CCDC7: variants seen among roughly 807,000 people sequenced by gnomAD.
CCDC7 encodes coiled-coil domain-containing protein 7.
In CCDC7, 183 loss-of-function variants were observed where a neutral mutation model predicts 196.9. The ratio of observed to expected loss-of-function variants is 0.93; its 90% confidence interval spans 0.82 to 1.05. CCDC7 has a LOEUF of 1.05. Among genes scored for constraint, CCDC7 ranks in the 50% least tolerant of loss-of-function variants. The pLI, the probability that CCDC7 is intolerant of heterozygous loss-of-function variation, is 0.00. For synonymous variants in CCDC7, 525 were observed against 484.6 expected, an observed-to-expected ratio of 1.08 and a Z score of -1.10; for missense variants, 1,540 against 1,482.2, an observed-to-expected ratio of 1.04 and a Z score of -0.64.
chr10:32,502,779 C>T, intron 9 of CCDC7, among the ~76,000 whole-genome samples: 1 of 152,194 alleles, frequency 6.6e-6, no homozygotes, highest in East Asian at 1.9e-4. Flanking sequence ...TGTTTCAACT[C>T]ATGAATATGG....
At chr10:32,502,633 C>T (rs1043595023) in intron 9 of CCDC7, among the ~76,000 whole-genome samples, 5 of 152,084 alleles carry the variant, frequency 3.3e-5, no homozygotes, top group Non-Finnish European at 5.9e-5. Flanking sequence ...ATTGCTTTGG[C>T]TACTCAGGGT....
At chr10:32,751,345 G>A (rs73243821) in intron 28 of CCDC7, among the ~76,000 whole-genome samples, 8,059 of 151,922 alleles carry the variant, frequency 0.053, 711 homozygotes, top group African/African-American at 0.18. Flanking sequence ...AGCCAGTACC[G>A]AAACTTTTTT....
intron 39 of CCDC7, among the ~76,000 whole-genome samples, chr10:32,849,535 T>TA (rs1382061243): frequency 2.6e-5 from 4 of 151,578 alleles, no homozygotes; most frequent in Admixed American, 2.0e-4. Context: ...AAACCCTGTC[T>TA]CTACTAAAAA....
intron 2 of CCDC7, 88 bp from the exon 4 acceptor site, chr10:32,456,162 AT>A: frequency 8.0e-7 from 1 of 1,257,290 alleles, no homozygotes; most frequent in African/African-American, 1.5e-5. Flanking sequence ...CAAAATTAAA[AT>A]TTTTCAAAAA....
intron 18 of CCDC7, among the ~76,000 whole-genome samples, chr10:32,623,057 T>C (rs1342739534): frequency 6.6e-6 from 1 of 152,194 alleles, no homozygotes; most frequent in Non-Finnish European, 1.5e-5. Flanking sequence ...TTTTATTTTC[T>C]CATCAAGTTT....
intron 24 of CCDC7, among the ~76,000 whole-genome samples, chr10:32,701,954 TC>T: frequency 6.6e-6 from 1 of 152,236 alleles, no homozygotes; most frequent in East Asian, 1.9e-4. Context: ...ATTTTGTTGG[TC>T]TTTTCAAAAA....
chr10:32,846,026 ATAGACC>A, intron 36 of CCDC7, 67 bp downstream of exon 37: 1 of 1,162,954 alleles, frequency 8.6e-7, no homozygotes, highest in Non-Finnish European at 1.3e-6. Context: ...AAATTGAAGT[ATAGACC>A]TTTAATGACA....
chr10:32,570,649 G>C (rs1264244704), intron 15 of CCDC7, among the ~76,000 whole-genome samples: 2 of 152,156 alleles, frequency 1.3e-5, no homozygotes, highest in Non-Finnish European at 2.9e-5. Flanking sequence ...TAGTTATCTA[G>C]CTATCAGAAA....
chr10:32,709,855 T>TA (rs1164200760), intron 24 of CCDC7, among the ~76,000 whole-genome samples: 2 of 152,044 alleles, frequency 1.3e-5, no homozygotes, highest in Non-Finnish European at 2.9e-5. Context: ...TGAGACTTGT[T>TA]AAAAATCTTA....
At chr10:32,706,573 C>A (rs1457642774) in intron 24 of CCDC7, among the ~76,000 whole-genome samples, 1 of 151,614 alleles carries the variant, frequency 6.6e-6, no homozygotes, top group Non-Finnish European at 1.5e-5. Flanking sequence ...AGATGGCTAG[C>A]AAGACTAATA....
chr10:32,669,973 G>A (rs1422347408), intron 21 of CCDC7, among the ~76,000 whole-genome samples: 2 of 152,112 alleles, frequency 1.3e-5, no homozygotes, highest in African/African-American at 2.4e-5. Flanking sequence ...TGAGCATGGA[G>A]TCAATCCAGG....
At chr10:32,449,343 C>G (rs185005447), upstream of CCDC7, among the ~76,000 whole-genome samples, 4 of 152,024 alleles carry the variant, frequency 2.6e-5, no homozygotes, top group Admixed American at 2.6e-4. Flanking sequence ...CCCACCACCA[C>G]GCCTGGATAA....
chr10:32,667,032 C>T (rs548595233), intron 21 of CCDC7, among the ~76,000 whole-genome samples: 2 of 152,298 alleles, frequency 1.3e-5, no homozygotes, highest in Admixed American at 6.5e-5. Flanking sequence ...TCCTCTCCAG[C>T]ACCTGTTGTT....
intron 20 of CCDC7, among the ~76,000 whole-genome samples, chr10:32,653,207 A>G (rs2069103003): frequency 6.6e-6 from 1 of 152,124 alleles, no homozygotes; most frequent in Non-Finnish European, 1.5e-5. Flanking sequence ...TTTAAGGGGT[A>G]TAGGACTCAG....
At chr10:32,828,616 C>T (rs1258736305) in intron 32 of CCDC7, among the ~76,000 whole-genome samples, 1 of 152,040 alleles carries the variant, frequency 6.6e-6, no homozygotes, top group Admixed American at 6.6e-5. Flanking sequence ...CTGGTCTTAC[C>T]ATGTTCCCCA....
chr10:32,860,237 TG>T (rs1362361759), intron 41 of CCDC7, among the ~76,000 whole-genome samples: 1 of 152,192 alleles, frequency 6.6e-6, no homozygotes, highest in African/African-American at 2.4e-5. Flanking sequence ...GCTTCATCCC[TG>T]GGATGCAAGG....
At chr10:32,549,087 T>G (rs2136272742) in intron 13 of CCDC7, among the ~76,000 whole-genome samples, 1 of 152,284 alleles carries the variant, frequency 6.6e-6, no homozygotes, top group East Asian at 1.9e-4. Context: ...GTTTTTTGAT[T>G]TTTTGATTAT....
chr10:32,603,610 A>T (rs2061297731), intron 18 of CCDC7, among the ~76,000 whole-genome samples: 3 of 141,074 alleles, frequency 2.1e-5, no homozygotes, highest in African/African-American at 2.5e-5. Context: ...CATCTTTGAC[A>T]GTGTTTGTTA....
intron 31 of CCDC7, among the ~76,000 whole-genome samples, chr10:32,815,508 G>A (rs2088236928): frequency 6.6e-6 from 1 of 152,048 alleles, no homozygotes; most frequent in Non-Finnish European, 1.5e-5. Context: ...ATGTCAGAAG[G>A]AGTAAGCAAA....
Sources: gnomAD v4.1 joint callset for allele counts (sites outside exome capture counted in the v4.1 genomes callset) on GRCh38, gnomAD v4.1.1 for gene constraint, MANE v1.5 for transcripts, NCBI Gene and HGNC (gene_info 2026-07-23, HGNC 2026-07-21) for gene names.